Variants in NRXN1 observed in about 807,000 individuals in gnomAD.
NRXN1 encodes the protein neurexin 1.
A neutral mutation model predicts 150.9 loss-of-function variants in NRXN1; 39 were observed. The observed-to-expected ratio is 0.26, with a 90% CI of 0.20 to 0.34. The LOEUF (loss-of-function observed/expected upper bound fraction) is 0.34, where lower values mean the gene tolerates loss of function less well. Among genes scored for constraint, NRXN1 ranks in the 10% least tolerant of loss-of-function variants. The pLI, the probability that NRXN1 is intolerant of heterozygous loss-of-function variation, is 1.00. For synonymous variants in NRXN1, 924 were observed against 757.0 expected, an observed-to-expected ratio of 1.22 and a Z score of -3.62; for missense variants, 1,815 against 1,949.9, an observed-to-expected ratio of 0.93 and a Z score of 1.30.
At chr2:50,248,992 T>TC (rs1443764476) in intron 17 of NRXN1, among the ~76,000 whole-genome samples, 1 of 150,914 alleles carries the variant, frequency 6.6e-6, no homozygotes, top group Non-Finnish European at 1.5e-5. Context: ...ACAAACTTTT[T>TC]TTTTTTTTTT....
At chr2:50,635,573 C>T (rs1034682692) in intron 5 of NRXN1, among the ~76,000 whole-genome samples, 1 of 152,168 alleles carries the variant, frequency 6.6e-6, no homozygotes, top group Non-Finnish European at 1.5e-5. Context: ...CATACAAAGT[C>T]ATGCATTGGG....
chr2:50,744,934 G>A (rs1271944480), intron 5 of NRXN1, among the ~76,000 whole-genome samples: 1 of 152,052 alleles, frequency 6.6e-6, no homozygotes, highest in Non-Finnish European at 1.5e-5. Flanking sequence ...ATAATTTTCT[G>A]ACAATCTCTT....
At chr2:50,484,158 A>C (rs1035021080) in intron 15 of NRXN1, among the ~76,000 whole-genome samples, 6 of 152,222 alleles carry the variant, frequency 3.9e-5, no homozygotes, top group Admixed American at 3.3e-4. Flanking sequence ...AAGTAGTATA[A>C]AGCACACACA....
chr2:50,835,192 C>A (rs1262869572), intron 5 of NRXN1, among the ~76,000 whole-genome samples: 1 of 152,064 alleles, frequency 6.6e-6, no homozygotes, highest in Non-Finnish European at 1.5e-5. Context: ...CACAACTGAT[C>A]TTTAAGAAGT....
chr2:50,591,278 A>T (rs966732071), intron 8 of NRXN1, among the ~76,000 whole-genome samples: 6 of 150,446 alleles, frequency 4.0e-5, no homozygotes, highest in African/African-American at 1.5e-4. Context: ...AAAAAAAAAA[A>T]TAGATACCTA....
At chr2:49,932,520 C>T (rs1336378802) in intron 22 of NRXN1, among the ~76,000 whole-genome samples, 1 of 151,712 alleles carries the variant, frequency 6.6e-6, no homozygotes, top group African/African-American at 2.4e-5. Context: ...CCTTTCCTTC[C>T]TCCTTTCCAA....
At chr2:50,413,162 G>A (rs2083306931) in intron 17 of NRXN1, among the ~76,000 whole-genome samples, 1 of 152,168 alleles carries the variant, frequency 6.6e-6, no homozygotes, top group Non-Finnish European at 1.5e-5. Context: ...CAGAATGGGA[G>A]AAACTATTTG....
intron 5 of NRXN1, among the ~76,000 whole-genome samples, chr2:50,909,365 G>C (rs1321665832): frequency 6.6e-6 from 1 of 152,008 alleles, no homozygotes; most frequent in East Asian, 1.9e-4. Flanking sequence ...GAGTTTGTTT[G>C]AATAGGCATT....
At chr2:51,023,976 T>C (rs991493542) in intron 2 of NRXN1, among the ~76,000 whole-genome samples, 6 of 152,178 alleles carry the variant, frequency 3.9e-5, no homozygotes, top group Non-Finnish European at 1.5e-5. Context: ...AACAGTCCAA[T>C]GTGGGATTTT....
Position 50,362,341 on chromosome 2 carries a change from G to C in NRXN1, c.3364+103101C>G, listed in dbSNP as rs1348408588. Among the ~76,000 whole-genome samples, 4 of 152,154 alleles carry C rather than the reference G, an allele frequency of 2.6e-5. No homozygotes were observed. The East Asian group carries it at 7.7e-4, about 29-fold the overall frequency. On this transcript the variant is annotated intron_variant, in intron 17 of 22. Coordinates refer to ENST00000401669, the MANE Select transcript of NRXN1 (RefSeq NM_001330078.2). ...TGCAGATGACATGATTGTATATTTA[G>C]AAAATCCCATTGTCTCAGACCAAAA... is the stretch of plus-strand genomic sequence containing the variant.
rs145220797 is a variant in NRXN1 at position 50,213,521 on chromosome 2, T to C, written c.3546+23268A>G. On this transcript the variant is annotated intron_variant, in intron 18 of 22. Coordinates refer to ENST00000401669, the MANE Select transcript of NRXN1 (RefSeq NM_001330078.2). ...ATAATAGAATGATAAGACTGTATAA[T>C]GGATCTGGAAGTTTCGTTAGTCCAG... Among the ~76,000 whole-genome samples, 105 of 152,010 alleles carry C rather than the reference T, an allele frequency of 6.9e-4. 1 individual carries two copies. The highest frequency in any genetic ancestry group is 2.4e-3 in the African/African-American group (98 of 41,562).
At chr2:50,627,539 T>G (rs1681372449) in intron 5 of NRXN1, among the ~76,000 whole-genome samples, 1 of 151,654 alleles carries the variant, frequency 6.6e-6, no homozygotes, top group Non-Finnish European at 1.5e-5. Flanking sequence ...TACATCCTTT[T>G]GTTTCCCAGA....
chr2:50,473,252 A>T (rs112542095), intron 15 of NRXN1, among the ~76,000 whole-genome samples: 1 of 151,814 alleles, frequency 6.6e-6, no homozygotes, highest in African/African-American at 2.4e-5. Context: ...CAAATTTTCA[A>T]CTTATTTTTC....
In NRXN1 at chr2:50,463,406, A is replaced by T. The variant is rs190697502; in HGVS notation, c.3364+2036T>A. On this transcript the variant is annotated intron_variant, in intron 17 of 22. Transcript: ENST00000401669. ...CGTATAAGCCAAGGAACCATTTCAC[A>T]TTTTCAGAAAACCCACTAACAGGTA... Among the ~76,000 whole-genome samples the T allele has an allele frequency of 5.3e-5, 8 of 151,936 alleles. No homozygotes were observed. In the East Asian group the frequency reaches 1.2e-3, roughly 22 times the overall value.
chr2:50,103,566 A>C (rs1701255746), intron 18 of NRXN1, among the ~76,000 whole-genome samples: 1 of 151,976 alleles, frequency 6.6e-6, no homozygotes, highest in Non-Finnish European at 1.5e-5. Context: ...ACTTCCAGAA[A>C]AATTTTAAAT....
At chr2:51,021,419 G>A (rs1264527462) in intron 2 of NRXN1, among the ~76,000 whole-genome samples, 5 of 151,874 alleles carry the variant, frequency 3.3e-5, no homozygotes, top group Admixed American at 3.3e-4. Flanking sequence ...TTTTCATAAT[G>A]TAGCTAAGAA....
At chr2:50,107,684 T>A (rs1007421937) in intron 18 of NRXN1, among the ~76,000 whole-genome samples, 2 of 151,576 alleles carry the variant, frequency 1.3e-5, no homozygotes, top group Non-Finnish European at 3.0e-5. Context: ...AATAAAACTA[T>A]TACAACAATA....
intron 18 of NRXN1, among the ~76,000 whole-genome samples, chr2:50,122,531 CTTTG>C (rs1159790772): frequency 6.6e-6 from 1 of 152,192 alleles, no homozygotes; most frequent in African/African-American, 2.4e-5. Context: ...GGGCTTTGTT[CTTTG>C]TTTGGCGGTT....
intron 5 of NRXN1, among the ~76,000 whole-genome samples, chr2:50,794,802 T>C (rs568002655): frequency 2.8e-4 from 43 of 152,268 alleles, no homozygotes; most frequent in African/African-American, 9.9e-4. Flanking sequence ...ATGGGTAATA[T>C]GGCTTAATAG....
Sources: allele counts gnomAD v4.1 joint callset (sites outside exome capture counted in the v4.1 genomes callset), GRCh38; gene constraint gnomAD v4.1.1; transcripts MANE v1.5; gene names NCBI Gene and HGNC (gene_info 2026-07-23, HGNC 2026-07-21).